The following SPTY2D1 variants were observed in gnomAD, a reference collection of about 807,000 sequenced individuals.
SPTY2D1 encodes the protein protein SPT2 homolog.
SPTY2D1 carries 21 observed loss-of-function variants against 64.0 expected under a neutral mutation model. The observed-to-expected ratio is 0.33, with a 90% CI of 0.23 to 0.47. The LOEUF (loss-of-function observed/expected upper bound fraction) is 0.47. Among genes scored for constraint, SPTY2D1 ranks in the 20% least tolerant of loss-of-function variants. The probability of loss-of-function intolerance (pLI) is 1.00; values close to 1 mark genes in which losing one functional copy is unlikely to be tolerated. For missense variants in SPTY2D1, 724 were observed against 837.2 expected (o/e 0.86, Z 1.67); for synonymous variants, 287 against 286.8 (o/e 1.00, Z -0.01).
At chr11:18,611,285 A>G (rs1854202286) in intron 5 of SPTY2D1, among the ~76,000 whole-genome samples, 192 bp downstream of exon 5, 1 of 152,212 alleles carries the variant, frequency 6.6e-6, no homozygotes, top group Admixed American at 6.5e-5. Context: ...TCTGTTAAAA[A>G]ACAAAAAAAC....
chr11:18,614,661 A>T lies in SPTY2D1; in HGVS notation c.1613T>A (p.Val538Asp), dbSNP rs747165773. 40 of 1,614,128 alleles carry T rather than the reference A, an allele frequency of 2.5e-5. No homozygotes were observed. In the South Asian group the frequency reaches 4.2e-4, roughly 17 times the overall value. The change falls in exon 3 of 6, where the codon GTC becomes GAC. Residue 538 changes from valine to aspartate, a missense_variant. By Grantham distance (152) the Val-to-Asp change is radical. Coordinates refer to ENST00000336349, the MANE Select transcript of SPTY2D1 (RefSeq NM_194285.3). Reference sequence around the variant, plus strand: ...ATTCTTGGAAGAAATTGTTTCGGAGACAACAGTGCACTTAGGCTTTATAGT... The same window carrying T: ...ATTCTTGGAAGAAATTGTTTCGGAGTCAACAGTGCACTTAGGCTTTATAGT... ...GPTIKPKCTV[V>D]SETISSKNII...
chr11:18,627,713 C>T (rs939346376), intron 1 of SPTY2D1, among the ~76,000 whole-genome samples: 1 of 151,662 alleles, frequency 6.6e-6, no homozygotes, highest in Non-Finnish European at 1.5e-5. Context: ...CCCGTCTCTA[C>T]TAAAAATACA....
At chr11:18,617,759 T>C (rs1335752110) in intron 1 of SPTY2D1, among the ~76,000 whole-genome samples, 3 of 150,596 alleles carry the variant, frequency 2.0e-5, no homozygotes, top group Non-Finnish European at 2.9e-5. Flanking sequence ...CTGGCCAACA[T>C]AGTGAAACTC....
In SPTY2D1 at chr11:18,615,335, T is replaced by C. The variant is rs1854279811; in HGVS notation, c.939A>G (p.Gly313=). 6.2e-7 allele frequency: 1 copy of C among 1,614,200 alleles called. No homozygotes were observed. Among genetic ancestry groups the C allele is most frequent in the South Asian group, 1.1e-5 (1 of 91,090 alleles). ...GTGAAGAGGTGCTGGAATGAGGCTT[T>C]CCAGCTCCATTAAAAACAGGTTTGT... is the stretch of plus-strand genomic sequence containing the variant. The part of the protein sequence containing the change: ...GHDKPVFNGA[G]KPHSSTSSPS... Residue 313 remains glycine (G), a synonymous_variant, in exon 3 of 6, where the codon GGA becomes GGG. Coordinates refer to ENST00000336349, the MANE Select transcript of SPTY2D1 (RefSeq NM_194285.3).
In SPTY2D1 at chr11:18,614,589, G is replaced by C; in HGVS notation, c.1685C>G (p.Pro562Arg). Residue 562 changes from proline to arginine, a missense_variant, in exon 3 of 6, where the codon CCC becomes CGC. By Grantham distance (103) the Pro-to-Arg change is moderately radical. Coordinates refer to ENST00000336349, the MANE Select transcript of SPTY2D1 (RefSeq NM_194285.3). ...SNGQMNGMKP[P>R]LSGYRAAQGP... is the part of the protein sequence containing the mutation. ...TTGGGCAGCTCTGTAGCCAGATAGG[G>C]GAGGCTTCATTCCATTCATCTGTCC... 6.2e-7 allele frequency: 1 copy of C among 1,611,870 alleles called. No homozygotes were observed. Among genetic ancestry groups the C allele is most frequent in the Non-Finnish European group, 8.5e-7 (1 of 1,178,206 alleles).
chr11:18,630,625 A>C (rs1590407087), intron 1 of SPTY2D1, among the ~76,000 whole-genome samples: 1 of 152,226 alleles, frequency 6.6e-6, no homozygotes, highest in Non-Finnish European at 1.5e-5. Context: ...TCTGAGCATT[A>C]GCTCTGATAG....
At position 18,614,567 on chromosome 11, in the gene SPTY2D1, G is replaced by A. The variant is rs761044595; in HGVS notation, c.1707C>T (p.Ala569=). 14 of 1,601,738 alleles carry A rather than the reference G, an allele frequency of 8.7e-6. No individual in the cohort carries two copies. The highest frequency in any genetic ancestry group is 2.2e-5 in the South Asian group (2 of 90,336). The change falls in exon 3 of 6, where the codon GCC becomes GCT. Residue 569 remains alanine (A), a synonymous_variant. Coordinates refer to ENST00000336349, the MANE Select transcript of SPTY2D1 (RefSeq NM_194285.3). The stretch of plus-strand genomic sequence containing the variant: ...TCGGGTGAGGGGAAATTTTACCTTG[G>A]GCAGCTCTGTAGCCAGATAGGGGAG... The part of the protein sequence containing the change: ...MKPPLSGYRA[A]QGPQRLPFPT...
intron 1 of SPTY2D1, among the ~76,000 whole-genome samples, chr11:18,621,538 G>C (rs1280952683): frequency 2.0e-5 from 3 of 151,936 alleles, no homozygotes; most frequent in Non-Finnish European, 4.4e-5. Context: ...TTCAAATTCT[G>C]CCTTTTTAAA....
At chr11:18,616,679 T>C (rs1854303608) in intron 2 of SPTY2D1, among the ~76,000 whole-genome samples, 196 bp downstream of exon 2, 2 of 152,026 alleles carry the variant, frequency 1.3e-5, no homozygotes, top group African/African-American at 2.4e-5. Context: ...AAAACGTTTA[T>C]ACAAATGATC....
intron 1 of SPTY2D1, among the ~76,000 whole-genome samples, chr11:18,621,222 G>A (rs1229532329): frequency 6.6e-6 from 1 of 151,858 alleles, no homozygotes; most frequent in Non-Finnish European, 1.5e-5. Flanking sequence ...TTGAACCCAG[G>A]AGGTGAAGGG....
At chr11:18,622,086 C>CAAAAAAAAAAAAAAAAAAAAAAAAAAA (rs747593791) in intron 1 of SPTY2D1, among the ~76,000 whole-genome samples, 3 of 11,828 alleles carry the variant, frequency 2.5e-4, no homozygotes, top group African/African-American at 4.8e-4. Flanking sequence ...GACCCTATCT[C>CAAAAAAAAAAAAAAAAAAAAAAAAAAA]AAAAAAAAAA....
rs372806350 is a variant in SPTY2D1 at position 18,634,214 on chromosome 11, C to T, written c.44G>A (p.Gly15Asp). ...EILMIASKGQ[G>D]VNNVPKRYSL... ...GCTACTTACCGGCACATTGTTGACA[C>T]CTTGTCCCTTGGAAGCTATCATGAG... Residue 15 changes from glycine (G) to aspartate (D), a missense_variant, in exon 1 of 6, where the codon GGT (glycine) becomes GAT (aspartate). Coordinates refer to ENST00000336349, the MANE Select transcript of SPTY2D1 (RefSeq NM_194285.3). The T allele has an allele frequency of 4.3e-6, 7 of 1,614,228 alleles. No homozygotes were observed. Among genetic ancestry groups the T allele is most frequent in the Non-Finnish European group, 5.9e-6 (7 of 1,180,054 alleles).
At chr11:18,622,091 A>AAAAAAAAAAAAAAAAAAAAAAC (rs1590403773) in intron 1 of SPTY2D1, among the ~76,000 whole-genome samples, 1 of 146,338 alleles carries the variant, frequency 6.8e-6, no homozygotes, top group Admixed American at 6.9e-5. Context: ...TATCTCAAAA[A>AAAAAAAAAAAAAAAAAAAAAAC]AAAAAAAAAA....
Position 18,611,474 on chromosome 11 carries a change from T to C in SPTY2D1, c.1964+3A>G, listed in dbSNP as rs1209275352. The stretch of plus-strand genomic sequence containing the variant: ...GCACAAGTATGCTAAATTTTATGCT[T>C]ACCTCTTTGCTTCTTCCTTCTGCTG... On this transcript the variant is annotated splice_donor_region_variant and intron_variant, in intron 5 of 5. Transcript: ENST00000336349. The C allele has an allele frequency of 6.2e-7, 1 of 1,613,670 alleles. No individual in the cohort carries two copies. Among genetic ancestry groups the C allele is most frequent in the African/African-American group, 1.3e-5 (1 of 74,912 alleles).
intron 5 of SPTY2D1, chr11:18,610,176 T>TA: frequency 4.6e-6 from 2 of 438,820 alleles, no homozygotes; most frequent in Non-Finnish European, 8.0e-6. Flanking sequence ...ACAAAAACCT[T>TA]ACTATTTCCA....
chr11:18,611,406 G>T, intron 5 of SPTY2D1, 71 bp downstream of exon 5: 1 of 1,374,826 alleles, frequency 7.3e-7, no homozygotes, highest in Non-Finnish European at 1.0e-6. Flanking sequence ...TCCCAATGGT[G>T]CAATTGTAGC....
chr11:18,632,664 AC>A (rs1259237399), intron 1 of SPTY2D1, among the ~76,000 whole-genome samples: 2 of 152,182 alleles, frequency 1.3e-5, no homozygotes, highest in Non-Finnish European at 2.9e-5. Context: ...ATTTTAAATT[AC>A]TTTTTTCCCC....
chr11:18,608,957 G>A lies in SPTY2D1; in HGVS notation c.*904C>T, dbSNP rs938731256. The A allele has an allele frequency of 2.0e-5, 3 of 149,802 alleles. No homozygotes were observed. Among genetic ancestry groups the A allele is most frequent in the African/African-American group, 7.3e-5 (3 of 41,180 alleles). The allele number at this position is 149,802 out of a possible 1,614,324, so 9.3% of individuals were successfully genotyped here. On this transcript the variant is annotated 3_prime_UTR_variant, in exon 6 of 6. Coordinates refer to ENST00000336349, the MANE Select transcript of SPTY2D1 (RefSeq NM_194285.3). The stretch of plus-strand genomic sequence containing the variant: ...ATGTCAAGAGGTATGAGGGCACCTT[G>A]GGATTTCAAAATATCTTTATGATGG...
chr11:18,612,605 G>A lies in SPTY2D1; in HGVS notation c.1712-117C>T, dbSNP rs535966669. 9 of 913,636 alleles carry A rather than the reference G, an allele frequency of 9.9e-6. No homozygotes were observed. The African/African-American group carries it at 1.3e-4, about 14-fold the overall frequency. 56.6% of individuals were successfully genotyped at this position (913,636 alleles called of 1,614,324 possible). ...GTATCCTTTAAAACCAGAGCAAGCA[G>A]GCTGGCCCTTAGCGCAGAGCCATCA... On this transcript the variant is annotated intron_variant, in intron 3 of 5. Transcript: ENST00000336349. The surrounding 1 kb of genome is among the most constrained non-coding windows in gnomAD (Gnocchi z 4.6).
Sources: allele counts gnomAD v4.1 joint callset (sites outside exome capture counted in the v4.1 genomes callset), GRCh38; gene constraint gnomAD v4.1.1; non-coding constraint Gnocchi (gnomAD v3.1); transcripts MANE v1.5; gene names NCBI Gene and HGNC (gene_info 2026-07-23, HGNC 2026-07-21).